Variants in FARS2 observed in about 807,000 individuals in gnomAD.
FARS2 encodes phenylalanyl-tRNA synthetase 2, mitochondrial, also known as phenylalanine--tRNA ligase, mitochondrial.
Under a neutral mutation model 46.4 loss-of-function variants are expected in FARS2, and 40 were observed. The ratio of observed to expected loss-of-function variants is 0.86; its 90% CI spans 0.67 to 1.12. The LOEUF is 1.12. Ranked by LOEUF, FARS2 falls within the 50% of genes most tolerant of loss-of-function variation. The pLI, the probability that FARS2 is intolerant of heterozygous loss-of-function variation, is 0.00. For missense variants in FARS2, 513 were observed against 567.9 expected (o/e 0.90, Z 0.98); for synonymous variants, 234 against 214.9 (o/e 1.09, Z -0.78).
At chr6:5,519,348 T>A (rs2150421359) in intron 4 of FARS2, among the ~76,000 whole-genome samples, 1 of 152,286 alleles carries the variant, frequency 6.6e-6, no homozygotes, top group South Asian at 2.1e-4. Flanking sequence ...CAGCTATATT[T>A]AGTTGCATTG....
intron 4 of FARS2, among the ~76,000 whole-genome samples, chr6:5,530,986 G>A (rs1196782203): frequency 6.6e-6 from 1 of 150,594 alleles, no homozygotes; most frequent in Non-Finnish European, 1.5e-5. Flanking sequence ...ATAAATACAG[G>A]GCTGCTGATC....
intron 2 of FARS2, among the ~76,000 whole-genome samples, chr6:5,383,928 C>A (rs778680407): frequency 1.1e-4 from 16 of 152,120 alleles, no homozygotes; most frequent in Non-Finnish European, 1.9e-4. Context: ...TGTTTAGCCA[C>A]CTGGAGAAGA....
At chr6:5,489,125 G>A (rs1429911670) in intron 4 of FARS2, among the ~76,000 whole-genome samples, 4 of 152,096 alleles carry the variant, frequency 2.6e-5, no homozygotes, top group African/African-American at 9.7e-5. Flanking sequence ...GAAATTCTGA[G>A]TGTGGGAGTG....
intron 4 of FARS2, among the ~76,000 whole-genome samples, chr6:5,487,913 A>G (rs1270439407): frequency 6.6e-6 from 1 of 152,152 alleles, no homozygotes; most frequent in African/African-American, 2.4e-5. Flanking sequence ...CTCAGTAAGC[A>G]TTGATGAGCA....
chr6:5,415,395 A>G (rs144917797), intron 3 of FARS2, among the ~76,000 whole-genome samples: 3,057 of 133,284 alleles, frequency 0.023, 53 homozygotes, highest in South Asian at 0.071. Flanking sequence ...GCTCACTGCA[A>G]CCTCCACCTC....
chr6:5,326,337 A>C (rs1770378949), intron 1 of FARS2, among the ~76,000 whole-genome samples: 2 of 152,220 alleles, frequency 1.3e-5, no homozygotes, highest in Admixed American at 1.3e-4. Flanking sequence ...TAGAACAGTC[A>C]CAGATTCTAG....
Position 5,365,317 on chromosome 6 carries a change from C to CTTTTTTTTTTTTTTTTTTTTTTT in FARS2, c.-21-3226_-21-3204dup, listed in dbSNP as rs61097603. Among the ~76,000 whole-genome samples the CTTTTTTTTTTTTTTTTTTTTTTT allele has an allele frequency of 1.4e-4, 6 of 42,492 alleles. 1 individual carries two copies. Among genetic ancestry groups the CTTTTTTTTTTTTTTTTTTTTTTT allele is most frequent in the African/African-American group, 3.0e-4 (3 of 9,964 alleles). 27.9% of individuals were successfully genotyped at this position (42,492 alleles called of 152,430 possible). Reference sequence around the variant, plus strand: ...GACCTTTGATTGAGAAGTATACTTTCTTTTTTTTTTTTTTTTTTTTTTTTT... The same window carrying CTTTTTTTTTTTTTTTTTTTTTTT: ...GACCTTTGATTGAGAAGTATACTTTCTTTTTTTTTTTTTTTTTTTTTTTTTTTTTTTTTTTTTTTTTTTTTTTT... On this transcript the variant is annotated intron_variant, in intron 1 of 6. Transcript: ENST00000274680.
intron 5 of FARS2, among the ~76,000 whole-genome samples, chr6:5,582,294 C>T (rs1262251908): frequency 4.0e-5 from 6 of 151,354 alleles, no homozygotes; most frequent in Non-Finnish European, 7.4e-5. Context: ...ATTCCTGATG[C>T]GCTTCTATAA....
intron 4 of FARS2, among the ~76,000 whole-genome samples, chr6:5,492,043 C>T (rs368252012): frequency 6.6e-6 from 1 of 152,084 alleles, no homozygotes. Flanking sequence ...TGCAAAAGAA[C>T]TACCGTTATC....
intron 6 of FARS2, among the ~76,000 whole-genome samples, chr6:5,646,888 A>G (rs955533212): frequency 6.6e-6 from 1 of 152,290 alleles, no homozygotes; most frequent in East Asian, 1.9e-4. Context: ...ATCCATGGAT[A>G]TGGAACCCAT....
chr6:5,389,990 G>A lies in FARS2; in HGVS notation c.613-14552G>A, dbSNP rs190177828. Among the ~76,000 whole-genome samples, 91 of 152,156 alleles carry A rather than the reference G, an allele frequency of 6.0e-4. 2 individuals are homozygous for A. In the South Asian group the frequency reaches 8.7e-3, roughly 15 times the overall value. On this transcript the variant is annotated intron_variant, in intron 2 of 6. Coordinates refer to ENST00000274680, the MANE Select transcript of FARS2 (RefSeq NM_006567.5). ...AGCAATCCTCTTGCCTCAGCCCTCCGAGTAGCTAGGATTACAGGCACGCGC... is the reference window on the plus strand; with the variant it reads ...AGCAATCCTCTTGCCTCAGCCCTCCAAGTAGCTAGGATTACAGGCACGCGC...
intron 5 of FARS2, among the ~76,000 whole-genome samples, chr6:5,591,936 T>A (rs1561736657): frequency 6.6e-6 from 1 of 152,246 alleles, no homozygotes; most frequent in Non-Finnish European, 1.5e-5. Flanking sequence ...CCTTTCATGT[T>A]TCTTCGCACA....
At chr6:5,350,468 G>C (rs1014085193) in intron 1 of FARS2, among the ~76,000 whole-genome samples, 2 of 152,172 alleles carry the variant, frequency 1.3e-5, no homozygotes, top group African/African-American at 4.8e-5. Flanking sequence ...TGGCATTTGC[G>C]AAAGGTTAGA....
At chr6:5,344,040 G>A (rs1757067480) in intron 1 of FARS2, among the ~76,000 whole-genome samples, 1 of 152,132 alleles carries the variant, frequency 6.6e-6, no homozygotes, top group Admixed American at 6.5e-5. Flanking sequence ...CTTGTTTCTG[G>A]GTATGTGTTC....
chr6:5,599,380 C>T (rs1561742096), intron 5 of FARS2, among the ~76,000 whole-genome samples: 1 of 152,196 alleles, frequency 6.6e-6, no homozygotes, highest in Non-Finnish European at 1.5e-5. Flanking sequence ...ATGGGCAAAC[C>T]TCCTGCAAAT....
At chr6:5,296,818 C>T (rs553779805) in intron 1 of FARS2, among the ~76,000 whole-genome samples, 1 of 152,194 alleles carries the variant, frequency 6.6e-6, no homozygotes, top group South Asian at 2.1e-4. Context: ...TTTCTCCATT[C>T]ATTCATCAGA....
chr6:5,296,204 G>C (rs1035274830), intron 1 of FARS2, among the ~76,000 whole-genome samples: 7 of 133,790 alleles, frequency 5.2e-5, no homozygotes, highest in Admixed American at 8.2e-5. Flanking sequence ...TGCAGTGGTG[G>C]GATCTCAGCT....
At position 5,589,415 on chromosome 6, in the gene FARS2, A is replaced by G. The variant is rs139864152; in HGVS notation, c.1066-23754A>G. Among the ~76,000 whole-genome samples, 139 of 152,390 alleles carry G rather than the reference A, an allele frequency of 9.1e-4. 1 individual carries two copies. The highest frequency in any genetic ancestry group is 3.0e-3 in the African/African-American group (123 of 41,596). ...GGCAGGATTGCAGTACATGCTTATCAGAGGACAGAGCTCAGAAAACTAGTT... is the reference window on the plus strand; with the variant it reads ...GGCAGGATTGCAGTACATGCTTATCGGAGGACAGAGCTCAGAAAACTAGTT... On this transcript the variant is annotated intron_variant, in intron 5 of 6. Coordinates refer to ENST00000274680, the MANE Select transcript of FARS2 (RefSeq NM_006567.5).
intron 1 of FARS2, among the ~76,000 whole-genome samples, chr6:5,285,244 G>A (rs924233450): frequency 2.0e-5 from 3 of 152,144 alleles, no homozygotes; most frequent in Non-Finnish European, 2.9e-5. Context: ...GACGGAAGAG[G>A]CCAAAGGGAG....
Sources: allele counts gnomAD v4.1 joint callset (sites outside exome capture counted in the v4.1 genomes callset), GRCh38; gene constraint gnomAD v4.1.1; transcripts MANE v1.5; gene names NCBI Gene and HGNC (gene_info 2026-07-23, HGNC 2026-07-21).